The following CFAP47 variants were observed in gnomAD, a reference collection of about 807,000 sequenced individuals.
CFAP47 encodes the protein cilia and flagella associated protein 47.
In CFAP47, 29 loss-of-function variants were observed where a neutral mutation model predicts 148.1. The observed-to-expected ratio is 0.20, with a 90% CI of 0.15 to 0.27. The LOEUF is 0.27. Ranked by LOEUF, CFAP47 falls within the 10% of genes least tolerant of loss-of-function variation. The pLI is 1.00. For missense variants in CFAP47, 1,872 were observed against 1,697.5 expected, an observed-to-expected ratio of 1.10 and a Z score of -1.81; for synonymous variants, 664 against 577.3, an observed-to-expected ratio of 1.15 and a Z score of -2.15.
At chrX:36,335,774 T>C (rs1941599962) in intron 57 of CFAP47, among the ~76,000 whole-genome samples, 1 of 111,876 alleles carries the variant, frequency 8.9e-6, no homozygotes, top group South Asian at 3.7e-4. Context: ...GGTGGAACTT[T>C]CCTGTATCTT....
At chrX:35,996,191 T>C (rs891471611) in intron 18 of CFAP47, among the ~76,000 whole-genome samples, 2 of 111,161 alleles carry the variant, frequency 1.8e-5, no homozygotes, top group African/African-American at 6.5e-5. Context: ...AAGGCAGCCA[T>C]AGGGAGTTGG....
chrX:36,099,307 C>T (rs1427278495), intron 31 of CFAP47, among the ~76,000 whole-genome samples: 1 of 110,286 alleles, frequency 9.1e-6, no homozygotes, highest in African/African-American at 3.3e-5. Context: ...TTTGTGGTAA[C>T]CTACTGAGAG....
At chrX:36,203,623 C>T (rs1270314163) in intron 44 of CFAP47, among the ~76,000 whole-genome samples, 5 of 112,017 alleles carry the variant, frequency 4.5e-5, no homozygotes, top group Non-Finnish European at 9.4e-5. Flanking sequence ...ACTTTTCTCA[C>T]GTGTTTTGGT....
At chrX:36,212,934 G>A (rs1386914048) in intron 45 of CFAP47, among the ~76,000 whole-genome samples, 12 of 110,499 alleles carry the variant, frequency 1.1e-4, no homozygotes, top group African/African-American at 3.0e-4. Context: ...CCAACATGGC[G>A]AAACCCCATC....
At position 35,975,373 on chromosome X, in the gene CFAP47, A is replaced by G. The variant is rs763148275; in HGVS notation, c.2471+10A>G. 3 of 1,054,390 alleles carry G rather than the reference A, an allele frequency of 2.8e-6. No individual in the cohort carries two copies. Among genetic ancestry groups the G allele is most frequent in the African/African-American group, 1.9e-5 (1 of 53,083 alleles). 86.9% of individuals were successfully genotyped at this position (1,054,390 alleles called of 1,213,427 possible). On this transcript the variant is annotated intron_variant, in intron 14 of 63. Coordinates refer to ENST00000378653, the MANE Select transcript of CFAP47 (RefSeq NM_001304548.2). ...TTGGAAAATTTTGGAAGTAGGGATT[A>G]TTTTTGAATTTCTGCTTGTTAGAAT... is the stretch of plus-strand genomic sequence containing the variant.
intron 51 of CFAP47, among the ~76,000 whole-genome samples, chrX:36,292,302 T>G (rs1458634004): frequency 9.0e-6 from 1 of 111,712 alleles, no homozygotes; most frequent in African/African-American, 3.3e-5. Context: ...TCTACGTGGT[T>G]TATGTGAGTT....
intron 39 of CFAP47, among the ~76,000 whole-genome samples, chrX:36,161,572 A>G (rs1477214688): frequency 8.9e-6 from 1 of 111,935 alleles, no homozygotes; most frequent in African/African-American, 3.2e-5. Flanking sequence ...TAATGACACA[A>G]TAGAAAAGTA....
At chrX:36,171,606 G>A (rs750689395) in intron 39 of CFAP47, among the ~76,000 whole-genome samples, 2 of 110,785 alleles carry the variant, frequency 1.8e-5, no homozygotes, top group South Asian at 3.9e-4. Context: ...TCAGATAGCT[G>A]TAGATATGTG....
At chrX:36,340,367 G>A (rs2146978146) in intron 57 of CFAP47, among the ~76,000 whole-genome samples, 1 of 112,000 alleles carries the variant, frequency 8.9e-6, no homozygotes, top group East Asian at 2.8e-4. Context: ...ATAGTCTCAT[G>A]AATTAGTTTG....
At chrX:36,212,006 C>T (rs185778373) in intron 45 of CFAP47, among the ~76,000 whole-genome samples, 8 of 111,240 alleles carry the variant, frequency 7.2e-5, no homozygotes, top group South Asian at 3.7e-4. Flanking sequence ...ATCAGATTCT[C>T]GTTAGTGCAC....
chrX:36,012,328 A>T (rs954288883), intron 21 of CFAP47, among the ~76,000 whole-genome samples: 3 of 111,814 alleles, frequency 2.7e-5, no homozygotes, highest in African/African-American at 9.8e-5. Flanking sequence ...ATATACCCAA[A>T]GGATTATAAA....
intron 53 of CFAP47, among the ~76,000 whole-genome samples, chrX:36,303,347 G>A (rs1941316798): frequency 9.0e-6 from 1 of 110,846 alleles, no homozygotes; most frequent in Admixed American, 9.6e-5. Flanking sequence ...ACCATGCCTG[G>A]CTATTTTTTA....
intron 51 of CFAP47, 31 bp from the exon 52 acceptor site, chrX:36,298,946 A>T (rs1556007309): frequency 3.0e-6 from 3 of 997,743 alleles, no homozygotes; most frequent in East Asian, 6.7e-5. Context: ...TGACACTAAA[A>T]GTTGATTACA....
chrX:36,152,686 C>T (rs747510539), intron 37 of CFAP47, among the ~76,000 whole-genome samples: 2 of 111,734 alleles, frequency 1.8e-5, no homozygotes, highest in South Asian at 3.8e-4. Context: ...GTGTGGTTTT[C>T]GTCAGGTTAT....
chrX:36,342,216 C>T (rs1941659556), intron 57 of CFAP47, among the ~76,000 whole-genome samples: 2 of 111,058 alleles, frequency 1.8e-5, no homozygotes, highest in Admixed American at 1.9e-4. Flanking sequence ...ATTCCAAGAA[C>T]CTAGAAACAC....
At chrX:36,098,368 A>G (rs923049981) in intron 30 of CFAP47, among the ~76,000 whole-genome samples, 3 of 111,372 alleles carry the variant, frequency 2.7e-5, no homozygotes, top group Admixed American at 1.9e-4. Context: ...TCTTGGAAAT[A>G]TGTATCTGTA....
chrX:35,991,281 C>T (rs1292651299), intron 16 of CFAP47, among the ~76,000 whole-genome samples: 2 of 110,787 alleles, frequency 1.8e-5, no homozygotes, highest in East Asian at 5.6e-4. Context: ...TAGCTTCCCT[C>T]TGAGCACTTT....
rs1569203066 is a variant in CFAP47, at chrX:35,926,032, A to G, written c.265A>G (p.Thr89Ala). The G allele has an allele frequency of 1.2e-5, 15 of 1,203,985 alleles. No individual in the cohort carries two copies. Among genetic ancestry groups the G allele is most frequent in the Non-Finnish European group, 1.7e-5 (15 of 890,641 alleles). ...PVKPQFKLML[T>A]SLDKELASGL... Reference sequence around the variant, plus strand: ...CCCACTGAAGTTCAAACTGATGTTGACCAGTCTGGATAAAGAACTTGCTTC... The same window carrying G: ...CCCACTGAAGTTCAAACTGATGTTGGCCAGTCTGGATAAAGAACTTGCTTC... Residue 89 changes from threonine (T) to alanine (A), a missense_variant, in exon 2 of 64, where the codon ACC becomes GCC. Thr to Ala is a moderately conservative substitution (Grantham distance 58). Coordinates refer to ENST00000378653, the MANE Select transcript of CFAP47 (RefSeq NM_001304548.2).
chrX:36,352,928 GT>G (rs1311421496), intron 59 of CFAP47, among the ~76,000 whole-genome samples: 1 of 109,422 alleles, frequency 9.1e-6, no homozygotes, highest in Non-Finnish European at 1.9e-5. Context: ...TTACTTTTAT[GT>G]GTTTAAAAGG....
Sources: gnomAD v4.1 joint callset for allele counts (sites outside exome capture counted in the v4.1 genomes callset) on GRCh38, gnomAD v4.1.1 for gene constraint, MANE v1.5 for transcripts, NCBI Gene and HGNC (gene_info 2026-07-23, HGNC 2026-07-21) for gene names.